Variants in DLGAP5 observed in about 807,000 individuals in gnomAD.
The protein encoded by DLGAP5 is disks large-associated protein 5.
A neutral mutation model predicts 99.6 loss-of-function variants in DLGAP5; 90 were observed. That is an observed-to-expected ratio of 0.90 (90% CI 0.76 to 1.08). The LOEUF (loss-of-function observed/expected upper bound fraction) is 1.08, where lower values mean the gene tolerates loss of function less well. DLGAP5 is among the 50% of genes least tolerant of loss of function. The pLI is 0.00. For synonymous variants in DLGAP5, 311 were observed against 321.3 expected (o/e 0.97, Z 0.34); for missense variants, 1,036 against 983.5 (o/e 1.05, Z -0.71).
intron 14 of DLGAP5, among the ~76,000 whole-genome samples, chr14:55,155,800 A>C (rs1882195914): frequency 1.3e-5 from 2 of 151,738 alleles, no homozygotes; most frequent in Admixed American, 1.3e-4. Context: ...ATCAAGAAAA[A>C]TGAATTGGCC....
At chr14:55,168,381 A>C (rs1481331739) in intron 12 of DLGAP5, among the ~76,000 whole-genome samples, 1 of 152,210 alleles carries the variant, frequency 6.6e-6, no homozygotes, top group Non-Finnish European at 1.5e-5. Flanking sequence ...GACAGATGAA[A>C]CGTCTGGTCT....
chr14:55,163,878 T>A (rs193243624), intron 12 of DLGAP5, among the ~76,000 whole-genome samples: 89 of 152,306 alleles, frequency 5.8e-4, no homozygotes, highest in African/African-American at 1.9e-3. Flanking sequence ...GGGTTGTTCG[T>A]TTCCTTCTTG....
chr14:55,162,205 G>A (rs1489942542), intron 13 of DLGAP5, among the ~76,000 whole-genome samples: 1 of 152,100 alleles, frequency 6.6e-6, no homozygotes, highest in South Asian at 2.1e-4. Context: ...CATTTCATAC[G>A]ACTGTTGTAA....
intron 6 of DLGAP5, 88 bp from the exon 7 acceptor site, chr14:55,179,787 T>A: frequency 9.7e-7 from 1 of 1,035,076 alleles, no homozygotes; most frequent in Non-Finnish European, 1.4e-6. Context: ...GAAGCAACAG[T>A]AGGAATATAT....
Position 55,169,835 on chromosome 14 carries a change from C to T in DLGAP5, c.1388-276G>A, listed in dbSNP as rs375305636. On this transcript the variant is annotated intron_variant, in intron 11 of 18. Coordinates refer to ENST00000247191, the MANE Select transcript of DLGAP5 (RefSeq NM_014750.5). ...TACTTTATAAGAACTCAACGTCAGC[C>T]GGTGTGGTGGCTCATGCCTGCGGGC... Among the ~76,000 whole-genome samples the T allele has an allele frequency of 2.8e-4, 43 of 152,240 alleles. No homozygotes were observed. In the East Asian group the frequency reaches 6.4e-3, roughly 23 times the overall value.
chr14:55,174,694 GATATAT>G (rs200348036), intron 10 of DLGAP5, among the ~76,000 whole-genome samples: 1 of 151,130 alleles, frequency 6.6e-6, no homozygotes, highest in Non-Finnish European at 1.5e-5. Flanking sequence ...TATGTATATA[GATATAT>G]ATATATTTTG....
chr14:55,175,442 G>C lies in DLGAP5; in HGVS notation c.1205C>G (p.Thr402Ser). 7 of 1,400,690 alleles carry C rather than the reference G, an allele frequency of 5.0e-6. No individual in the cohort carries two copies. Among genetic ancestry groups the C allele is most frequent in the Non-Finnish European group, 7.0e-6 (7 of 999,198 alleles). The allele number at this position is 1,400,690 out of a possible 1,614,324, so 86.8% of individuals were successfully genotyped here. The change falls in exon 10 of 19, where the codon ACT (threonine) becomes AGT (serine). Residue 402 changes from threonine (T) to serine (S), a missense_variant. Physicochemically the swap from Thr to Ser is moderately conservative, Grantham distance 58. Transcript: ENST00000247191. ...TATTGGAAGGCCATTTAAATTTTTAGTAGTAGCTTCATTTTTATTTAAAAC... is the reference window on the plus strand; with the variant it reads ...TATTGGAAGGCCATTTAAATTTTTACTAGTAGCTTCATTTTTATTTAAAAC... ...EHVLNKNEAT[T>S]KNLNGLPIKE...
At chr14:55,183,480 AAAGGGG>A in intron 3 of DLGAP5, 74 bp downstream of exon 3, 2 of 1,207,132 alleles carry the variant, frequency 1.7e-6, no homozygotes, top group Non-Finnish European at 2.2e-6. Flanking sequence ...AGACTAAGGG[AAAGGGG>A]TTAGTCACTT....
chr14:55,164,268 C>A (rs553176465), intron 12 of DLGAP5, among the ~76,000 whole-genome samples: 12 of 151,310 alleles, frequency 7.9e-5, no homozygotes, highest in Non-Finnish European at 1.2e-4. Flanking sequence ...CCGAGAAGGT[C>A]GAGACTAGCC....
chr14:55,170,310 T>A (rs542107170), intron 11 of DLGAP5, among the ~76,000 whole-genome samples: 28 of 150,338 alleles, frequency 1.9e-4, no homozygotes, highest in South Asian at 1.7e-3. Flanking sequence ...TTGATTTAGG[T>A]AATTTTCATT....
chr14:55,148,523 C>A (rs1229428495), intron 18 of DLGAP5, 50 bp from the exon 19 acceptor site: 1 of 1,612,688 alleles, frequency 6.2e-7, no homozygotes, highest in Non-Finnish European at 8.5e-7. Context: ...AAGAGTTTCA[C>A]CAATTAATTC....
chr14:55,154,566 G>A, intron 15 of DLGAP5, 51 bp downstream of exon 15: 2 of 1,429,434 alleles, frequency 1.4e-6, no homozygotes, highest in African/African-American at 2.8e-5. Flanking sequence ...ATCTGAAATG[G>A]TATTTAGTAT....
chr14:55,162,973 T>C lies in DLGAP5; in HGVS notation c.1651A>G (p.Arg551Gly). The C allele has an allele frequency of 6.4e-7, 1 of 1,556,858 alleles. No individual in the cohort carries two copies. The highest frequency in any genetic ancestry group is 8.7e-7 in the Non-Finnish European group (1 of 1,149,182). The change falls in exon 13 of 19, where the codon AGG (arginine) becomes GGG (glycine). Residue 551 changes from arginine to glycine, a missense_variant and splice_region_variant. Coordinates refer to ENST00000247191, the MANE Select transcript of DLGAP5 (RefSeq NM_014750.5). Reference sequence around the variant, plus strand: ...GGATATAAAACCCACAAACTTACCCTAAAGACATTTTTGTTCATATTATGA... The same window carrying C: ...GGATATAAAACCCACAAACTTACCCCAAAGACATTTTTGTTCATATTATGA... ...MNHNMNKNVF[R>G]KKVVSGIASK...
chr14:55,158,462 A>C, intron 14 of DLGAP5, 60 bp downstream of exon 14: 1 of 1,439,870 alleles, frequency 6.9e-7, no homozygotes, highest in Non-Finnish European at 9.5e-7. Flanking sequence ...TCTATCCCAA[A>C]TATTTCTCTT....
intron 10 of DLGAP5, among the ~76,000 whole-genome samples, chr14:55,172,270 T>G (rs1882885949): frequency 6.6e-6 from 1 of 150,436 alleles, no homozygotes; most frequent in African/African-American, 2.4e-5. Flanking sequence ...GGCAGATCAC[T>G]TGAGCCTAGG....
chr14:55,183,502 C>T lies in DLGAP5; in HGVS notation c.432+58G>A. 3 of 1,422,054 alleles carry T rather than the reference C, an allele frequency of 2.1e-6. No homozygotes were observed. In the East Asian group the frequency reaches 7.5e-5, roughly 35 times the overall value. 88.1% of individuals were successfully genotyped at this position (1,422,054 alleles called of 1,614,324 possible). A position where few individuals can be genotyped will look rare whatever the true frequency, so the allele number is the denominator to read the frequency against. ...GGGAAAGGGGTTAGTCACTTAATGT[C>T]TTGAAGAAAATACCAAATAAAAGAA... On this transcript the variant is annotated intron_variant, in intron 3 of 18. Transcript: ENST00000247191.
chr14:55,163,586 G>A (rs1253177886), intron 12 of DLGAP5, among the ~76,000 whole-genome samples: 11 of 152,266 alleles, frequency 7.2e-5, no homozygotes, highest in Admixed American at 5.2e-4. Flanking sequence ...TTAGTTTTGC[G>A]AGTGACTGCC....
At chr14:55,162,269 T>C (rs940349644) in intron 13 of DLGAP5, among the ~76,000 whole-genome samples, 7 of 152,222 alleles carry the variant, frequency 4.6e-5, no homozygotes, top group Admixed American at 4.6e-4. Flanking sequence ...CTAAGCATTA[T>C]ATAAGTTACC....
chr14:55,179,840 G>A, intron 6 of DLGAP5, 141 bp from the exon 7 acceptor site: 2 of 651,690 alleles, frequency 3.1e-6, no homozygotes, highest in Non-Finnish European at 5.0e-6. Flanking sequence ...TATAAAAAGG[G>A]TTATGGAATT....
Sources: allele counts gnomAD v4.1 joint callset (sites outside exome capture counted in the v4.1 genomes callset), GRCh38; gene constraint gnomAD v4.1.1; transcripts MANE v1.5; gene names NCBI Gene and HGNC (gene_info 2026-07-23, HGNC 2026-07-21).